PPP3CC: variants seen among roughly 807,000 people sequenced by gnomAD.
The protein encoded by PPP3CC is protein phosphatase 3 catalytic subunit gamma.
In PPP3CC, 35 loss-of-function variants were observed where a neutral mutation model predicts 60.3. The ratio of observed to expected loss-of-function variants is 0.58; its 90% confidence interval spans 0.44 to 0.77. The LOEUF (loss-of-function observed/expected upper bound fraction) is 0.77, where lower values mean the gene tolerates loss of function less well. Ranked by LOEUF, PPP3CC falls within the 30% of genes least tolerant of loss-of-function variation. PPP3CC has a pLI of 0.00. For missense variants in PPP3CC, 570 were observed against 628.9 expected (o/e 0.91, Z 1.00); for synonymous variants, 206 against 224.3 (o/e 0.92, Z 0.73).
chr8:22,529,360 T>G (rs1839641940), intron 10 of PPP3CC, among the ~76,000 whole-genome samples: 1 of 152,238 alleles, frequency 6.6e-6, no homozygotes, highest in African/African-American at 2.4e-5. Context: ...ATGATACTTG[T>G]TATAGTCTGG....
intron 1 of PPP3CC, among the ~76,000 whole-genome samples, chr8:22,461,588 A>G (rs1228116547): frequency 6.6e-6 from 1 of 152,220 alleles, no homozygotes; most frequent in African/African-American, 2.4e-5. Flanking sequence ...GTTTCCTGCC[A>G]TGGGACTGTT....
At chr8:22,532,560 G>T (rs2117148434) in intron 11 of PPP3CC, among the ~76,000 whole-genome samples, 1 of 152,234 alleles carries the variant, frequency 6.6e-6, no homozygotes, top group South Asian at 2.1e-4. Flanking sequence ...TCAAATTCTG[G>T]CTCTACCTCT....
At chr8:22,481,437 A>G (rs1023680810) in intron 3 of PPP3CC, among the ~76,000 whole-genome samples, 1 of 151,136 alleles carries the variant, frequency 6.6e-6, no homozygotes, top group African/African-American at 2.4e-5. Flanking sequence ...AGAAAGTTAC[A>G]TGGATGTAAA....
In PPP3CC at chr8:22,540,765, C is replaced by T. The variant is rs28764007; in HGVS notation, c.1502C>T (p.Ala501Val). Residue 501 changes from alanine to valine, a missense_variant, in exon 14 of 14, where the codon GCG (alanine) becomes GTG (valine). Coordinates refer to ENST00000240139, the MANE Select transcript of PPP3CC (RefSeq NM_005605.5). ...GTAACCTCAGCACACTCACATGCTG[C>T]GCACAGGAGCGACCAAGGGAAGAAA... Reference protein sequence around the residue: ...KSVTSAHSHAAHRSDQGKKAH... With the variant: ...KSVTSAHSHAVHRSDQGKKAH... 2.3e-3 allele frequency: 3,700 copies of T among 1,613,252 alleles called. 81 individuals are homozygous for T. The African/African-American group carries it at 0.043, about 19-fold the overall frequency.
At chr8:22,488,557 TCAGATTGTCAA>T (rs1838291671) in intron 3 of PPP3CC, among the ~76,000 whole-genome samples, 1 of 152,212 alleles carries the variant, frequency 6.6e-6, no homozygotes, top group African/African-American at 2.4e-5. Context: ...TGAATGATTC[TCAGATTGTCAA>T]CAGTGCCTGT....
At chr8:22,491,152 T>C (rs925907909) in intron 3 of PPP3CC, among the ~76,000 whole-genome samples, 3 of 152,208 alleles carry the variant, frequency 2.0e-5, no homozygotes, top group African/African-American at 7.2e-5. Flanking sequence ...AACACCCTCA[T>C]ATAAATCTAC....
chr8:22,517,899 T>C (rs1378930627), intron 6 of PPP3CC, among the ~76,000 whole-genome samples: 3 of 152,102 alleles, frequency 2.0e-5, no homozygotes, highest in African/African-American at 7.2e-5. Flanking sequence ...TTTGGGCTTA[T>C]TTGATTCTCC....
Position 22,475,484 on chromosome 8 carries a change from A to T in PPP3CC, c.248-16A>T. ...AAGGTATAATTTCTCACATCACTTTATGCTTTTTTTCCTAGTATGTGGTGA... is the reference window on the plus strand; with the variant it reads ...AAGGTATAATTTCTCACATCACTTTTTGCTTTTTTTCCTAGTATGTGGTGA... On this transcript the variant is annotated splice_polypyrimidine_tract_variant and intron_variant, in intron 2 of 13. Coordinates refer to ENST00000240139, the MANE Select transcript of PPP3CC (RefSeq NM_005605.5). 1 of 1,602,818 alleles carries T rather than the reference A, an allele frequency of 6.2e-7. No individual in the cohort carries two copies. The highest frequency in any genetic ancestry group is 2.2e-5 in the East Asian group (1 of 44,718).
intron 10 of PPP3CC, among the ~76,000 whole-genome samples, chr8:22,528,966 C>T (rs2461483): frequency 0.56 from 84,795 of 151,852 alleles, 25,032 homozygotes; most frequent in African/African-American, 0.77. Context: ...AAGTTTTTGC[C>T]GACAAAACCC....
At chr8:22,530,400 A>C (rs747724033) in intron 10 of PPP3CC, among the ~76,000 whole-genome samples, 1 of 152,032 alleles carries the variant, frequency 6.6e-6, no homozygotes, top group African/African-American at 2.4e-5. Flanking sequence ...GGTTGCAATG[A>C]GCGGAGATCT....
chr8:22,527,571 T>A, intron 9 of PPP3CC, 54 bp downstream of exon 9: 1 of 1,566,154 alleles, frequency 6.4e-7, no homozygotes. Flanking sequence ...GAGCATACCT[T>A]ATATTTGCAT....
chr8:22,473,807 T>G (rs1837804694), intron 1 of PPP3CC, among the ~76,000 whole-genome samples: 1 of 152,084 alleles, frequency 6.6e-6, no homozygotes, highest in African/African-American at 2.4e-5. Flanking sequence ...AGCAAATTAT[T>G]CTCAGACATA....
chr8:22,533,780 G>A (rs1018023524), intron 12 of PPP3CC, among the ~76,000 whole-genome samples: 10 of 152,112 alleles, frequency 6.6e-5, no homozygotes, highest in African/African-American at 1.7e-4. Context: ...AACCGAGATC[G>A]CGCCACTGCA....
intron 10 of PPP3CC, chr8:22,531,363 T>C: frequency 1.3e-6 from 2 of 1,504,114 alleles, no homozygotes; most frequent in Non-Finnish European, 1.8e-6. Context: ...GCTTAATGCT[T>C]ACTCTCTGTC....
At chr8:22,443,241 G>A (rs1302390043) in intron 1 of PPP3CC, among the ~76,000 whole-genome samples, 1 of 152,044 alleles carries the variant, frequency 6.6e-6, no homozygotes. Flanking sequence ...CAGGGGCTAG[G>A]GGCAGGCATG....
At chr8:22,527,570 T>A (rs772765010) in intron 9 of PPP3CC, 53 bp downstream of exon 9, 2 of 1,573,334 alleles carry the variant, frequency 1.3e-6, no homozygotes, top group South Asian at 2.3e-5. Context: ...TGAGCATACC[T>A]TATATTTGCA....
chr8:22,462,656 C>T (rs951399553), intron 1 of PPP3CC, among the ~76,000 whole-genome samples: 1 of 151,750 alleles, frequency 6.6e-6, no homozygotes, highest in Non-Finnish European at 1.5e-5. Context: ...CTGCAAGCTC[C>T]GCCTCCTGAG....
intron 1 of PPP3CC, among the ~76,000 whole-genome samples, chr8:22,445,604 A>G (rs1836797187): frequency 6.6e-6 from 1 of 152,208 alleles, no homozygotes; most frequent in Admixed American, 6.5e-5. Flanking sequence ...TTGTAATTTT[A>G]CCTAAATATT....
chr8:22,455,645 G>C (rs1286546070), intron 1 of PPP3CC, among the ~76,000 whole-genome samples: 1 of 152,180 alleles, frequency 6.6e-6, no homozygotes, highest in Non-Finnish European at 1.5e-5. Flanking sequence ...TGCCACTATA[G>C]AAGTTATTGT....
Sources: gnomAD v4.1 joint callset for allele counts (sites outside exome capture counted in the v4.1 genomes callset) on GRCh38, gnomAD v4.1.1 for gene constraint, MANE v1.5 for transcripts, NCBI Gene and HGNC (gene_info 2026-07-23, HGNC 2026-07-21) for gene names.